The following FOXP1 variants were observed in gnomAD, a reference collection of about 807,000 sequenced individuals.
The protein encoded by FOXP1 is forkhead box P1.
FOXP1 carries 15 observed loss-of-function variants against 98.2 expected under a neutral mutation model. That is an observed-to-expected ratio of 0.15 (90% CI 0.10 to 0.24). The LOEUF is 0.24. FOXP1 is among the 10% of genes least tolerant of loss of function. The pLI, the probability that FOXP1 is intolerant of heterozygous loss-of-function variation, is 1.00. For synonymous variants in FOXP1, 371 were observed against 314.5 expected (o/e 1.18, Z -1.90); for missense variants, 633 against 848.5 (o/e 0.75, Z 3.15).
intron 2 of FOXP1, among the ~76,000 whole-genome samples, chr3:71,580,218 C>A (rs2048053237): frequency 6.8e-6 from 1 of 147,820 alleles, no homozygotes. Flanking sequence ...CTCTCTCATA[C>A]AATGACTAAT....
Position 70,977,700 on chromosome 3 carries a change from T to A in FOXP1, c.1371A>T (p.Glu457Asp). ...ISSADIAQNQ[E>D]FYKNAEVRPP... ...GTCTAACTTCTGCGTTCTTATAAAA[T>A]TCTTGGTTCTGCGCAATATCTGCTG... Residue 457 changes from glutamate to aspartate, a missense_variant, in exon 16 of 21, where the codon GAA becomes GAT. Transcript: ENST00000649528. 6.2e-7 allele frequency: 1 copy of A among 1,614,226 alleles called. No homozygotes were observed. The highest frequency in any genetic ancestry group is 1.1e-5 in the South Asian group (1 of 91,088).
chr3:71,431,946 T>C (rs568138417), intron 3 of FOXP1, among the ~76,000 whole-genome samples: 1 of 152,380 alleles, frequency 6.6e-6, no homozygotes, highest in South Asian at 2.1e-4. Flanking sequence ...CCTGTTGCCG[T>C]GTTGCCCCTG....
At chr3:70,962,218 G>A (rs752266866) in intron 20 of FOXP1, among the ~76,000 whole-genome samples, 4 of 152,070 alleles carry the variant, frequency 2.6e-5, no homozygotes, top group Non-Finnish European at 5.9e-5. Flanking sequence ...CCACTGTGTT[G>A]ACATATGTCA....
intron 4 of FOXP1, among the ~76,000 whole-genome samples, chr3:71,322,038 TATACTC>T (rs1453136959): frequency 3.3e-5 from 5 of 152,224 alleles, no homozygotes; most frequent in Admixed American, 1.3e-4. Context: ...GAATATGTGT[TATACTC>T]ATAAGCAGGA....
At chr3:70,963,805 C>G (rs2034128560) in intron 20 of FOXP1, among the ~76,000 whole-genome samples, 1 of 152,132 alleles carries the variant, frequency 6.6e-6, no homozygotes, top group South Asian at 2.1e-4. Flanking sequence ...AATTATGTGA[C>G]CACTTTCTAG....
intron 3 of FOXP1, among the ~76,000 whole-genome samples, chr3:71,375,875 A>T (rs1006770378): frequency 3.9e-5 from 6 of 152,208 alleles, no homozygotes; most frequent in African/African-American, 1.4e-4. Context: ...CTGGAGTGTT[A>T]ACCTTTAAAA....
intron 5 of FOXP1, among the ~76,000 whole-genome samples, chr3:71,200,173 C>T (rs993121611): frequency 1.3e-5 from 2 of 151,192 alleles, no homozygotes; most frequent in Non-Finnish European, 2.9e-5. Flanking sequence ...GGCACAAAAC[C>T]ATTATCCCAG....
chr3:71,537,158 A>AACT (rs2044365530), intron 2 of FOXP1, among the ~76,000 whole-genome samples: 1 of 152,178 alleles, frequency 6.6e-6, no homozygotes, highest in South Asian at 2.1e-4. Flanking sequence ...GGCTCTAAAA[A>AACT]ACTTGTCACT....
rs1272547746 is a variant in FOXP1 at position 71,138,061 on chromosome 3, T to C, written c.181-25424A>G. ...TCTCAGATTTAGGCTGGATCTCTCC[T>C]TGTAATGTATTATTGCCTGAGTGTT... is the stretch of plus-strand genomic sequence containing the variant. On this transcript the variant is annotated intron_variant, in intron 6 of 20. Coordinates refer to ENST00000649528, the MANE Select transcript of FOXP1 (RefSeq NM_001349338.3). Among the ~76,000 whole-genome samples the C allele has an allele frequency of 5.3e-5, 8 of 152,168 alleles. No individual in the cohort carries two copies. The South Asian group carries it at 1.0e-3, about 20-fold the overall frequency.
intron 3 of FOXP1, among the ~76,000 whole-genome samples, chr3:71,400,453 G>A (rs2081882588): frequency 6.6e-6 from 1 of 152,030 alleles, no homozygotes; most frequent in Admixed American, 6.5e-5. Flanking sequence ...AAATTCCTGG[G>A]TTCAATCGAT....
At chr3:71,238,749 G>A (rs1264511133) in intron 5 of FOXP1, among the ~76,000 whole-genome samples, 5 of 152,190 alleles carry the variant, frequency 3.3e-5, no homozygotes, top group African/African-American at 1.2e-4. Flanking sequence ...TCGGGGCTGA[G>A]GTGGCTTCCC....
chr3:71,163,373 C>T (rs2061239295), intron 6 of FOXP1, among the ~76,000 whole-genome samples: 1 of 152,152 alleles, frequency 6.6e-6, no homozygotes, highest in Admixed American at 6.5e-5. Flanking sequence ...ATTCTGGTCA[C>T]CCTTTCTACC....
At chr3:70,959,796 T>C (rs1232648926) in intron 20 of FOXP1, among the ~76,000 whole-genome samples, 1 of 152,182 alleles carries the variant, frequency 6.6e-6, no homozygotes, top group Non-Finnish European at 1.5e-5. Flanking sequence ...GTGGGCCTTG[T>C]TGAAATGCAG....
At chr3:71,523,714 T>C (rs2043158998) in intron 2 of FOXP1, among the ~76,000 whole-genome samples, 4 of 152,162 alleles carry the variant, frequency 2.6e-5, no homozygotes, top group Admixed American at 2.6e-4. Flanking sequence ...AAATCCATTG[T>C]GTGAATGGGT....
intron 4 of FOXP1, among the ~76,000 whole-genome samples, chr3:71,301,537 C>T (rs1159909717): frequency 2.6e-5 from 4 of 152,162 alleles, no homozygotes; most frequent in African/African-American, 9.7e-5. Context: ...TTTCCTCTCT[C>T]CTTTTTACTT....
intron 17 of FOXP1, among the ~76,000 whole-genome samples, chr3:70,973,289 T>C (rs2036736147): frequency 6.9e-6 from 1 of 144,784 alleles, no homozygotes; most frequent in Non-Finnish European, 1.5e-5. Context: ...TCATGTTATG[T>C]CTCACCTTCC....
chr3:71,038,969 T>A (rs919973882), intron 11 of FOXP1, among the ~76,000 whole-genome samples: 1 of 152,176 alleles, frequency 6.6e-6, no homozygotes, highest in African/African-American at 2.4e-5. Context: ...CCAGGCCTAA[T>A]TGATTTTTTA....
intron 3 of FOXP1, among the ~76,000 whole-genome samples, chr3:71,428,037 T>TA (rs2084326104): frequency 6.6e-6 from 1 of 151,830 alleles, no homozygotes; most frequent in Admixed American, 6.6e-5. Context: ...GAGAGGAGGG[T>TA]AAATTAAGTC....
In FOXP1 at chr3:71,496,974, G is replaced by T. The variant is rs182475246; in HGVS notation, c.-297-3419C>A. 1.3e-4 allele frequency among the ~76,000 whole-genome samples: 20 copies of T among 152,120 alleles called. 1 individual carries two copies. In the East Asian group the frequency reaches 3.9e-3, roughly 29 times the overall value. On this transcript the variant is annotated intron_variant, in intron 2 of 20. Transcript: ENST00000649528. The stretch of plus-strand genomic sequence containing the variant: ...GTGGTGTGTGGAAGTGTGTGTGTGT[G>T]TGTGTGTGTGTTGTTAAGAATTCAA...
Sources: allele counts gnomAD v4.1 joint callset (sites outside exome capture counted in the v4.1 genomes callset), GRCh38; gene constraint gnomAD v4.1.1; transcripts MANE v1.5; gene names NCBI Gene and HGNC (gene_info 2026-07-23, HGNC 2026-07-21).